The following DLG2 variants were observed in gnomAD, a reference collection of about 807,000 sequenced individuals.
DLG2 encodes the protein disks large homolog 2.
Under a neutral mutation model 132.5 loss-of-function variants are expected in DLG2, and 45 were observed. The ratio of observed to expected loss-of-function variants is 0.34; its 90% CI spans 0.27 to 0.44. The LOEUF is 0.44. Among genes scored for constraint, DLG2 ranks in the 20% least tolerant of loss-of-function variants. DLG2 has a pLI of 1.00. For missense variants in DLG2, 1,045 were observed against 1,196.9 expected (o/e 0.87, Z 1.87); for synonymous variants, 424 against 419.6 (o/e 1.01, Z -0.13).
intron 7 of DLG2, among the ~76,000 whole-genome samples, chr11:84,326,794 G>C (rs1039969448): frequency 2.3e-4 from 35 of 152,180 alleles, no homozygotes; most frequent in Non-Finnish European, 4.3e-4. Context: ...TGGATACTCT[G>C]TCCATTATTG....
At chr11:84,185,995 G>A (rs1289966583) in intron 8 of DLG2, among the ~76,000 whole-genome samples, 2 of 152,026 alleles carry the variant, frequency 1.3e-5, no homozygotes, top group Non-Finnish European at 2.9e-5. Flanking sequence ...TATTCCAATT[G>A]CCTGTGGCCA....
intron 4 of DLG2, among the ~76,000 whole-genome samples, chr11:85,172,860 G>C (rs1434760464): frequency 6.6e-6 from 1 of 151,936 alleles, no homozygotes; most frequent in East Asian, 1.9e-4. Context: ...ACCAAGCAGA[G>C]GAAAGAATCT....
At chr11:83,521,349 C>A (rs1220772469) in intron 21 of DLG2, among the ~76,000 whole-genome samples, 2 of 152,186 alleles carry the variant, frequency 1.3e-5, no homozygotes, top group East Asian at 3.9e-4. Context: ...TTTAACCTGG[C>A]AATCAATCTA....
intron 11 of DLG2, among the ~76,000 whole-genome samples, chr11:84,048,236 T>C (rs1187127889): frequency 6.6e-6 from 1 of 151,644 alleles, no homozygotes; most frequent in Non-Finnish European, 1.5e-5. Flanking sequence ...AAGAAGACTG[T>C]TTCCCTGGTT....
intron 3 of DLG2, among the ~76,000 whole-genome samples, chr11:85,493,903 A>T (rs564232977): frequency 2.5e-4 from 38 of 152,254 alleles, no homozygotes; most frequent in African/African-American, 9.1e-4. Flanking sequence ...ATAGTTCTGG[A>T]GGCTGGGAAT....
intron 7 of DLG2, among the ~76,000 whole-genome samples, chr11:84,507,406 T>C (rs1325103845): frequency 6.6e-6 from 1 of 152,174 alleles, no homozygotes; most frequent in African/African-American, 2.4e-5. Flanking sequence ...TACTGAGATT[T>C]AAAAACTTAT....
chr11:84,094,353 T>C (rs1211548963), intron 10 of DLG2, among the ~76,000 whole-genome samples: 1 of 152,210 alleles, frequency 6.6e-6, no homozygotes, highest in African/African-American at 2.4e-5. Context: ...ATTAGGATTA[T>C]TATTATTGAT....
intron 6 of DLG2, among the ~76,000 whole-genome samples, chr11:84,868,290 C>T (rs1027379582): frequency 1.3e-5 from 2 of 151,534 alleles, no homozygotes; most frequent in African/African-American, 2.4e-5. Context: ...TGTTCAAATT[C>T]GAGGCTTGCC....
chr11:84,818,780 G>A (rs1303823031), intron 6 of DLG2, among the ~76,000 whole-genome samples: 3 of 151,858 alleles, frequency 2.0e-5, no homozygotes, highest in Non-Finnish European at 2.9e-5. Flanking sequence ...AATTACAGAG[G>A]TATATGACTT....
At chr11:85,292,324 C>T (rs1460829973) in intron 3 of DLG2, among the ~76,000 whole-genome samples, 2 of 151,762 alleles carry the variant, frequency 1.3e-5, no homozygotes, top group African/African-American at 4.8e-5. Context: ...AAGAATATTA[C>T]CTGGAACTAG....
rs113705139 is a variant in DLG2, at chr11:83,717,015, T to C, written c.1825+69675A>G. 4.8e-3 allele frequency among the ~76,000 whole-genome samples: 737 copies of C among 152,308 alleles called. 6 individuals carry two copies. The highest frequency in any genetic ancestry group is 0.015 in the African/African-American group (622 of 41,578). ...GTCTTGTGATTTACTGAAATCTCAG[T>C]TTTAAAAGGAACTTAAATATTTTGT... is the stretch of plus-strand genomic sequence containing the variant. On this transcript the variant is annotated intron_variant, in intron 18 of 27. Coordinates refer to ENST00000376104, the MANE Select transcript of DLG2 (RefSeq NM_001142699.3).
intron 10 of DLG2, among the ~76,000 whole-genome samples, chr11:84,092,587 A>G (rs1487916211): frequency 6.6e-6 from 1 of 152,086 alleles, no homozygotes; most frequent in Non-Finnish European, 1.5e-5. Context: ...CTAAGACTGG[A>G]GCTTGATTTG....
chr11:84,593,115 T>C (rs2099547955), intron 6 of DLG2, among the ~76,000 whole-genome samples: 1 of 144,258 alleles, frequency 6.9e-6, no homozygotes. Flanking sequence ...CGAGACTCCA[T>C]CTCCAAAAAA....
At chr11:84,719,316 A>G (rs1457528631) in intron 6 of DLG2, among the ~76,000 whole-genome samples, 1 of 152,212 alleles carries the variant, frequency 6.6e-6, no homozygotes, top group East Asian at 1.9e-4. Context: ...AGAGAAGTCA[A>G]ACTTCAGTTA....
intron 6 of DLG2, among the ~76,000 whole-genome samples, chr11:84,892,085 AC>A (rs1227051487): frequency 6.6e-6 from 1 of 152,200 alleles, no homozygotes; most frequent in East Asian, 1.9e-4. Context: ...CTACAGTTAT[AC>A]TTGGGAATAT....
At chr11:85,394,381 G>A (rs1461913377) in intron 3 of DLG2, among the ~76,000 whole-genome samples, 1 of 152,134 alleles carries the variant, frequency 6.6e-6, no homozygotes, top group Non-Finnish European at 1.5e-5. Flanking sequence ...ACAAACCAAT[G>A]AGCATGGCAA....
At chr11:83,666,659 GT>G (rs2075641270) in intron 18 of DLG2, among the ~76,000 whole-genome samples, 1 of 152,104 alleles carries the variant, frequency 6.6e-6, no homozygotes, top group African/African-American at 2.4e-5. Context: ...CCAGACTTTT[GT>G]TCCCTACGTG....
chr11:84,221,079 C>T (rs2096909606), intron 8 of DLG2, among the ~76,000 whole-genome samples: 1 of 151,408 alleles, frequency 6.6e-6, no homozygotes, highest in South Asian at 2.1e-4. Context: ...GTTGGGATTA[C>T]AGGCATGAGG....
chr11:83,918,756 G>A (rs899271041), intron 15 of DLG2, among the ~76,000 whole-genome samples: 1 of 145,782 alleles, frequency 6.9e-6, no homozygotes, highest in African/African-American at 2.5e-5. Context: ...CACGGCGCCT[G>A]TCAAAGGGCA....
Sources: gnomAD v4.1 joint callset for allele counts (sites outside exome capture counted in the v4.1 genomes callset) on GRCh38, gnomAD v4.1.1 for gene constraint, MANE v1.5 for transcripts, NCBI Gene and HGNC (gene_info 2026-07-23, HGNC 2026-07-21) for gene names.